The following ASAP1 variants were observed in gnomAD, a reference collection of about 807,000 sequenced individuals.
ASAP1 encodes the protein ArfGAP with SH3 domain, ankyrin repeat and PH domain 1.
ASAP1 carries 43 observed loss-of-function variants against 145.2 expected under a neutral mutation model. That is an observed-to-expected ratio of 0.30 (90% CI 0.23 to 0.38). ASAP1 has a LOEUF of 0.38. ASAP1 is among the 10% of genes least tolerant of loss of function. ASAP1 has a pLI of 1.00. For synonymous variants in ASAP1, 546 were observed against 515.5 expected, an observed-to-expected ratio of 1.06 and a Z score of -0.80; for missense variants, 1,018 against 1,355.3, an observed-to-expected ratio of 0.75 and a Z score of 3.91.
intron 1 of ASAP1, among the ~76,000 whole-genome samples, chr8:130,426,873 T>C (rs967111122): frequency 3.2e-4 from 48 of 152,200 alleles, no homozygotes; most frequent in African/African-American, 1.1e-3. Context: ...ATCCGTTTCA[T>C]GTTTGTTTGC....
At chr8:130,244,153 G>A (rs137993453) in intron 3 of ASAP1, among the ~76,000 whole-genome samples, 175 of 152,238 alleles carry the variant, frequency 1.1e-3, no homozygotes, top group African/African-American at 4.1e-3. Flanking sequence ...CAGGTAGCAT[G>A]GTATCAGACC....
intron 24 of ASAP1, among the ~76,000 whole-genome samples, chr8:130,095,530 A>G (rs1476599968): frequency 6.6e-6 from 1 of 151,428 alleles, no homozygotes; most frequent in African/African-American, 2.4e-5. Flanking sequence ...TGAACTCCCA[A>G]CCTCAAGTGA....
intron 25 of ASAP1, 79 bp downstream of exon 25, chr8:130,091,894 G>C: frequency 7.1e-7 from 1 of 1,403,364 alleles, no homozygotes; most frequent in Non-Finnish European, 9.4e-7. Flanking sequence ...TTCTGAATGT[G>C]CTAACAGGCC....
chr8:130,310,138 T>TGG (rs368989712), intron 3 of ASAP1, among the ~76,000 whole-genome samples: 632 of 53,020 alleles, frequency 0.012, no homozygotes, highest in African/African-American at 0.023. Context: ...CAGTTTTTTT[T>TGG]GGGGGGGGGA....
chr8:130,183,703 T>A (rs1459005145), intron 7 of ASAP1, among the ~76,000 whole-genome samples: 1 of 152,188 alleles, frequency 6.6e-6, no homozygotes, highest in Non-Finnish European at 1.5e-5. Context: ...TTTATAACTA[T>A]CACTTTTTGT....
At chr8:130,369,591 T>C (rs1159259236) in intron 2 of ASAP1, among the ~76,000 whole-genome samples, 1 of 152,152 alleles carries the variant, frequency 6.6e-6, no homozygotes, top group Non-Finnish European at 1.5e-5. Context: ...TCCAAAGATA[T>C]ACAAGTGGAT....
rs138741550 is a variant in ASAP1 at position 130,293,182 on chromosome 8, C to G, written c.187-56188G>C. Among the ~76,000 whole-genome samples, 5 of 152,290 alleles carry G rather than the reference C, an allele frequency of 3.3e-5. No individual in the cohort carries two copies. The East Asian group carries it at 7.7e-4, about 24-fold the overall frequency. ...ACTGCACATAAATATCTGGGGATCT[C>G]TTTAAAATACAGATTCTGATTCAGC... On this transcript the variant is annotated intron_variant, in intron 3 of 29. Coordinates refer to ENST00000518721, the MANE Select transcript of ASAP1 (RefSeq NM_018482.4).
intron 3 of ASAP1, among the ~76,000 whole-genome samples, chr8:130,284,827 A>G (rs1365989518): frequency 2.0e-5 from 3 of 148,010 alleles, no homozygotes; most frequent in Non-Finnish European, 4.5e-5. Flanking sequence ...AAAACCAATC[A>G]TTCCTTTTAC....
intron 3 of ASAP1, among the ~76,000 whole-genome samples, chr8:130,345,143 T>G (rs1456623401): frequency 6.6e-6 from 1 of 152,146 alleles, no homozygotes; most frequent in Non-Finnish European, 1.5e-5. Flanking sequence ...CCTAACAAAG[T>G]GTTGTGTGGA....
intron 4 of ASAP1, among the ~76,000 whole-genome samples, chr8:130,223,009 C>T (rs764600349): frequency 6.6e-6 from 1 of 152,084 alleles, no homozygotes; most frequent in Non-Finnish European, 1.5e-5. Flanking sequence ...CTCCTAGGGG[C>T]CTTAATTTCT....
Position 130,092,159 on chromosome 8 carries a change from A to T in ASAP1, c.2402-16T>A. ...CCAGTTGGACCTAGAAAGGAAATTGAATGGGGGCAGGAAGATTAATCCCAG... is the reference window on the plus strand; with the variant it reads ...CCAGTTGGACCTAGAAAGGAAATTGTATGGGGGCAGGAAGATTAATCCCAG... On this transcript the variant is annotated splice_polypyrimidine_tract_variant and intron_variant, in intron 24 of 29. Transcript: ENST00000518721. 6.4e-7 allele frequency: 1 copy of T among 1,564,560 alleles called. No individual in the cohort carries two copies. The highest frequency in any genetic ancestry group is 1.7e-4 in the Middle Eastern group (1 of 5,882).
chr8:130,187,918 A>C (rs1814849853), intron 6 of ASAP1, among the ~76,000 whole-genome samples, 191 bp downstream of exon 6: 1 of 152,128 alleles, frequency 6.6e-6, no homozygotes, highest in Non-Finnish European at 1.5e-5. Flanking sequence ...GAAAGTGCCT[A>C]ATCTCATTCC....
In ASAP1 at chr8:130,351,594, CAGG is replaced by C. The variant is rs372757390; in HGVS notation, c.186+6420_186+6422del. Among the ~76,000 whole-genome samples the C allele has an allele frequency of 7.8e-4, 119 of 152,116 alleles. 1 individual carries two copies. Among genetic ancestry groups the C allele is most frequent in the South Asian group, 5.0e-3 (24 of 4,814 alleles). On this transcript the variant is annotated intron_variant, in intron 3 of 29. Coordinates refer to ENST00000518721, the MANE Select transcript of ASAP1 (RefSeq NM_018482.4). The stretch of plus-strand genomic sequence containing the variant: ...TGCCTCAGGGAGTGTTTAGTCATGG[CAGG>C]AGGAGAAGTGGGAGCAGGCACATCA...
intron 3 of ASAP1, among the ~76,000 whole-genome samples, chr8:130,276,716 A>ACTCT: frequency 7.8e-6 from 1 of 128,836 alleles, no homozygotes; most frequent in African/African-American, 3.0e-5. Context: ...ACACACACAC[A>ACTCT]CACACACACA....
At chr8:130,066,304 G>A (rs16904199) in intron 27 of ASAP1, among the ~76,000 whole-genome samples, 25,315 of 152,156 alleles carry the variant, frequency 0.17, 2,583 homozygotes, top group East Asian at 0.44. Context: ...GGCTTGTACT[G>A]CTGGTTTCCA....
chr8:130,270,424 C>T (rs747266263), intron 3 of ASAP1, among the ~76,000 whole-genome samples: 1 of 152,176 alleles, frequency 6.6e-6, no homozygotes, highest in Non-Finnish European at 1.5e-5. Flanking sequence ...TGTGTGATCT[C>T]AAGGAATCAG....
In ASAP1 at chr8:130,139,699, A is replaced by T. The variant is rs192161856; in HGVS notation, c.1081-2661T>A. On this transcript the variant is annotated intron_variant, in intron 13 of 29. Transcript: ENST00000518721. ...AGCCAAAGTCACGCCATTGCACTCC[A>T]GCCTGGGCAACAGGGTGACAGAGCA... is the stretch of plus-strand genomic sequence containing the variant. Among the ~76,000 whole-genome samples the T allele has an allele frequency of 9.5e-4, 144 of 152,168 alleles. 2 individuals carry two copies. Among genetic ancestry groups the T allele is most frequent in the African/African-American group, 3.3e-3 (136 of 41,530 alleles).
intron 3 of ASAP1, among the ~76,000 whole-genome samples, chr8:130,276,687 AACACACACACAC>A (rs1161892776): frequency 2.8e-4 from 26 of 91,696 alleles, no homozygotes; most frequent in African/African-American, 8.0e-4. Context: ...CAAGACTGCA[AACACACACACAC>A]ACACACACAC....
intron 5 of ASAP1, among the ~76,000 whole-genome samples, chr8:130,207,739 A>C (rs570487126): frequency 2.1e-4 from 32 of 152,278 alleles, no homozygotes; most frequent in South Asian, 4.1e-4. Flanking sequence ...TCTTGTCCAC[A>C]TTTCTCTGGC....
Sources: allele counts gnomAD v4.1 joint callset (sites outside exome capture counted in the v4.1 genomes callset), GRCh38; gene constraint gnomAD v4.1.1; transcripts MANE v1.5; gene names NCBI Gene and HGNC (gene_info 2026-07-23, HGNC 2026-07-21).